DYM: variants seen among roughly 807,000 people sequenced by gnomAD.
The protein encoded by DYM is dyggve-Melchior-Clausen syndrome protein.
A neutral mutation model predicts 93.1 loss-of-function variants in DYM; 78 were observed. The ratio of observed to expected loss-of-function variants is 0.84; its 90% CI spans 0.70 to 1.01. The LOEUF is 1.01. Ranked by LOEUF, DYM falls within the 50% of genes least tolerant of loss-of-function variation. DYM has a pLI of 0.00. For synonymous variants in DYM, 321 were observed against 319.7 expected, an observed-to-expected ratio of 1.00 and a Z score of -0.04; for missense variants, 789 against 845.0, an observed-to-expected ratio of 0.93 and a Z score of 0.82.
intron 16 of DYM, among the ~76,000 whole-genome samples, chr18:49,108,281 C>T (rs1001851776): frequency 3.4e-4 from 52 of 152,188 alleles, no homozygotes; most frequent in Non-Finnish European, 6.9e-4. Flanking sequence ...TGGGAGTGAC[C>T]CGATTTTCCA....
intron 9 of DYM, among the ~76,000 whole-genome samples, chr18:49,285,832 A>G (rs1469619518): frequency 3.9e-5 from 6 of 152,242 alleles, no homozygotes; most frequent in Non-Finnish European, 7.3e-5. Flanking sequence ...CTTCTACTTT[A>G]GGAGTTATTA....
rs370825673 is a variant in DYM at position 49,406,618 on chromosome 18, G to A, written c.141-14973C>T. ...TATTACTTTTTATTATTGTAAAAAT[G>A]AACCATCCCAAAATCACCAGGAGGC... On this transcript the variant is annotated intron_variant, in intron 2 of 17. Coordinates refer to ENST00000675505, the MANE Select transcript of DYM (RefSeq NM_001353214.3). Among the ~76,000 whole-genome samples, 67 of 152,236 alleles carry A rather than the reference G, an allele frequency of 4.4e-4. 1 individual carries two copies. The South Asian group carries it at 0.013, about 31-fold the overall frequency.
intron 2 of DYM, among the ~76,000 whole-genome samples, chr18:49,409,111 C>T (rs2071879410): frequency 6.6e-6 from 1 of 151,830 alleles, no homozygotes; most frequent in Admixed American, 6.6e-5. Flanking sequence ...TAGCGAAACC[C>T]CGTCTCTACT....
chr18:49,438,410 T>TA (rs574804987), intron 1 of DYM, among the ~76,000 whole-genome samples: 199 of 152,132 alleles, frequency 1.3e-3, no homozygotes, highest in African/African-American at 4.4e-3. Context: ...ACAGCCATGC[T>TA]AAAAAAATAA....
chr18:49,300,855 C>A (rs1024376077), intron 8 of DYM, among the ~76,000 whole-genome samples: 1 of 152,072 alleles, frequency 6.6e-6, no homozygotes, highest in African/African-American at 2.4e-5. Flanking sequence ...GTAAAGGAAT[C>A]CTTGAGTAAC....
intron 17 of DYM, among the ~76,000 whole-genome samples, chr18:49,061,938 G>A (rs2076013449): frequency 1.3e-5 from 2 of 152,162 alleles, no homozygotes; most frequent in South Asian, 4.1e-4. Flanking sequence ...TCCTCCATCT[G>A]GCTCCATCCT....
chr18:49,214,483 G>T (rs1424550265), intron 13 of DYM, among the ~76,000 whole-genome samples: 1 of 151,706 alleles, frequency 6.6e-6, no homozygotes, highest in African/African-American at 2.4e-5. Flanking sequence ...CACAAAACTG[G>T]TCCTTGGTGC....
At chr18:49,229,602 CA>C (rs1178809855) in intron 13 of DYM, among the ~76,000 whole-genome samples, 1 of 152,040 alleles carries the variant, frequency 6.6e-6, no homozygotes, top group Admixed American at 6.6e-5. Flanking sequence ...ATGGCTTTTA[CA>C]AAAAGCAAAC....
intron 11 of DYM, among the ~76,000 whole-genome samples, chr18:49,263,710 C>T (rs1343063204): frequency 1.3e-5 from 2 of 151,988 alleles, no homozygotes; most frequent in East Asian, 2.0e-4. Flanking sequence ...GCGTGGGCAA[C>T]AGAGTGAGAT....
At chr18:49,420,313 G>C (rs893646645) in intron 2 of DYM, among the ~76,000 whole-genome samples, 2 of 151,794 alleles carry the variant, frequency 1.3e-5, no homozygotes, top group Admixed American at 6.6e-5. Context: ...GATTACAGGC[G>C]CCCGCCACCA....
intron 2 of DYM, among the ~76,000 whole-genome samples, chr18:49,404,496 A>G (rs2071226320): frequency 6.6e-6 from 1 of 152,176 alleles, no homozygotes; most frequent in Non-Finnish European, 1.5e-5. Context: ...AAATCTCCAG[A>G]CTGCTTTCCA....
In DYM at chr18:49,282,193, G is replaced by A; in HGVS notation, c.947-18C>T. 5 of 1,608,070 alleles carry A rather than the reference G, an allele frequency of 3.1e-6. No individual in the cohort carries two copies. The highest frequency in any genetic ancestry group is 4.3e-6 in the Non-Finnish European group (5 of 1,174,694). On this transcript the variant is annotated intron_variant, in intron 9 of 17. Coordinates refer to ENST00000675505, the MANE Select transcript of DYM (RefSeq NM_001353214.3). Reference sequence around the variant, plus strand: ...ACTGCTATCTGGAATACAGAAAACAGCACATCAGTAATTTCTAGCTGTGCT... The same window carrying A: ...ACTGCTATCTGGAATACAGAAAACAACACATCAGTAATTTCTAGCTGTGCT...
intron 15 of DYM, among the ~76,000 whole-genome samples, chr18:49,125,732 A>C (rs1359876507): frequency 1.3e-5 from 2 of 152,230 alleles, no homozygotes; most frequent in Non-Finnish European, 2.9e-5. Flanking sequence ...TAATGCTAGA[A>C]TCCCTTCTAT....
At chr18:49,404,243 A>G (rs1248143439) in intron 2 of DYM, among the ~76,000 whole-genome samples, 1 of 152,002 alleles carries the variant, frequency 6.6e-6, no homozygotes, top group African/African-American at 2.4e-5. Flanking sequence ...CCTGACCTCA[A>G]GTGATCCTCC....
intron 17 of DYM, among the ~76,000 whole-genome samples, chr18:49,062,995 A>C (rs1164461647): frequency 1.3e-5 from 2 of 152,208 alleles, no homozygotes; most frequent in Non-Finnish European, 2.9e-5. Context: ...CTGTGTCTGG[A>C]ATATTTTGCC....
At chr18:49,072,294 G>A (rs539498955) in intron 17 of DYM, among the ~76,000 whole-genome samples, 5 of 152,152 alleles carry the variant, frequency 3.3e-5, no homozygotes, top group East Asian at 1.9e-4. Flanking sequence ...AAGGTGATTC[G>A]TGTCATGTTT....
intron 3 of DYM, among the ~76,000 whole-genome samples, chr18:49,387,347 G>A (rs1303230369): frequency 6.6e-6 from 1 of 152,090 alleles, no homozygotes; most frequent in Non-Finnish European, 1.5e-5. Context: ...TGTGATCTCG[G>A]CTCACCGCAA....
intron 17 of DYM, among the ~76,000 whole-genome samples, chr18:49,094,824 C>A (rs995236386): frequency 6.6e-6 from 1 of 152,164 alleles, no homozygotes; most frequent in African/African-American, 2.4e-5. Context: ...AGGGAAAGTT[C>A]TAAAACTTTT....
intron 8 of DYM, among the ~76,000 whole-genome samples, chr18:49,322,757 T>C (rs1486835849): frequency 6.6e-6 from 1 of 152,182 alleles, no homozygotes; most frequent in Non-Finnish European, 1.5e-5. Flanking sequence ...ACAAAAGTTA[T>C]ATTTTAAATA....
Sources: allele counts gnomAD v4.1 joint callset (sites outside exome capture counted in the v4.1 genomes callset), GRCh38; gene constraint gnomAD v4.1.1; transcripts MANE v1.5; gene names NCBI Gene and HGNC (gene_info 2026-07-23, HGNC 2026-07-21).